PON2: variants seen among roughly 807,000 people sequenced by gnomAD.
PON2 encodes the protein serum paraoxonase/arylesterase 2.
In PON2, 27 loss-of-function variants were observed where a neutral mutation model predicts 36.6. The ratio of observed to expected loss-of-function variants is 0.74; its 90% CI spans 0.54 to 1.02. The LOEUF is 1.02. Among genes scored for constraint, PON2 ranks in the 50% least tolerant of loss-of-function variants. PON2 has a pLI of 0.00. For missense variants in PON2, 363 were observed against 421.1 expected, an observed-to-expected ratio of 0.86 and a Z score of 1.21; for synonymous variants, 149 against 156.3, an observed-to-expected ratio of 0.95 and a Z score of 0.35.
chr7:95,412,713 CAGA>C (rs1788961231), intron 3 of PON2: 2 of 524,694 alleles, frequency 3.8e-6, no homozygotes, highest in African/African-American at 3.8e-5. Flanking sequence ...AGAGAGTAAT[CAGA>C]AGGTTGGTGG....
chr7:95,415,539 A>T (rs1340101624), intron 3 of PON2, among the ~76,000 whole-genome samples: 1 of 152,222 alleles, frequency 6.6e-6, no homozygotes, highest in African/African-American at 2.4e-5. Flanking sequence ...TGGCAAGAAT[A>T]TTTGCTTCAA....
At chr7:95,426,999 G>A (rs186132617) in intron 1 of PON2, among the ~76,000 whole-genome samples, 7 of 152,122 alleles carry the variant, frequency 4.6e-5, no homozygotes, top group Non-Finnish European at 8.8e-5. Context: ...TTAGGTTTGC[G>A]TAAGTAATTG....
At chr7:95,428,978 T>G (rs949277895) in intron 1 of PON2, among the ~76,000 whole-genome samples, 1 of 152,090 alleles carries the variant, frequency 6.6e-6, no homozygotes, top group African/African-American at 2.4e-5. Flanking sequence ...AGTCCAAGGT[T>G]TCAGGTAAAT....
chr7:95,426,773 G>T, intron 1 of PON2, among the ~76,000 whole-genome samples: 1 of 152,176 alleles, frequency 6.6e-6, no homozygotes, highest in East Asian at 1.9e-4. Context: ...TGTAACTGCT[G>T]TTTGTACACC....
rs1789448026 is a variant in PON2, at chr7:95,431,786, T to A, written c.74+3092A>T. Among the ~76,000 whole-genome samples, 3 of 151,990 alleles carry A rather than the reference T, an allele frequency of 2.0e-5. No homozygotes were observed. The South Asian group carries it at 6.2e-4, about 31-fold the overall frequency. The stretch of plus-strand genomic sequence containing the variant: ...TTCTGACAGAAGGCACTCGAACATA[T>A]GATAAAATACAGGGTACCCAGTGAT... On this transcript the variant is annotated intron_variant, in intron 1 of 8. Coordinates refer to ENST00000222572, the MANE Select transcript of PON2 (RefSeq NM_000305.3).
At chr7:95,429,965 G>A (rs1789399810) in intron 1 of PON2, among the ~76,000 whole-genome samples, 1 of 152,112 alleles carries the variant, frequency 6.6e-6, no homozygotes, top group Admixed American at 6.5e-5. Context: ...AGGAGACCTG[G>A]CTGAGGCGAC....
At chr7:95,423,332 A>AG (rs1423072766) in intron 2 of PON2, among the ~76,000 whole-genome samples, 1 of 151,664 alleles carries the variant, frequency 6.6e-6, no homozygotes, top group Non-Finnish European at 1.5e-5. Flanking sequence ...AAAAAAAAAA[A>AG]AAAAAAAAAT....
At chr7:95,408,490 T>G (rs1252633314) in intron 6 of PON2, among the ~76,000 whole-genome samples, 1 of 152,182 alleles carries the variant, frequency 6.6e-6, no homozygotes, top group Non-Finnish European at 1.5e-5. Context: ...TTATTGTTAT[T>G]TTTTTGTTAG....
chr7:95,434,908 G>T lies in PON2; in HGVS notation c.44C>A (p.Ala15Glu). 2 of 1,539,438 alleles carry T rather than the reference G, an allele frequency of 1.3e-6. No homozygotes were observed. Among genetic ancestry groups the T allele is most frequent in the East Asian group, 2.5e-5 (1 of 40,360 alleles). The change falls in exon 1 of 9, where the codon GCG becomes GAG. Residue 15 changes from alanine to glutamate, a missense_variant. Coordinates refer to ENST00000222572, the MANE Select transcript of PON2 (RefSeq NM_000305.3). ...TGCCAGAAGCCTCTCGCCCAGGAGC[G>T]CCAGCGCGATCCCCAGCAAGCCCAC... Reference protein sequence around the residue: ...VAVGLLGIALALLGERLLALR... With the variant: ...VAVGLLGIALELLGERLLALR...
chr7:95,416,058 CAA>C (rs2116475138), intron 3 of PON2, 182 bp downstream of exon 3: 2 of 1,070,708 alleles, frequency 1.9e-6, no homozygotes, highest in South Asian at 3.2e-5. Context: ...TCTCAATGGG[CAA>C]AGAGTCTTCA....
rs764352517 is a variant in PON2, at chr7:95,412,396, G to T, written c.283C>A (p.Pro95Thr). ...ILMMDLKEEK[P>T]RARELRISRG... ...CTGATTCTTAATTCCCGTGCCCTTGGTTTTTCTTCTTTTAGATCCATCATT... is the reference window on the plus strand; with the variant it reads ...CTGATTCTTAATTCCCGTGCCCTTGTTTTTTCTTCTTTTAGATCCATCATT... Residue 95 changes from proline (P) to threonine (T), a missense_variant, in exon 4 of 9, where the codon CCA becomes ACA. Coordinates refer to ENST00000222572, the MANE Select transcript of PON2 (RefSeq NM_000305.3). The T allele has an allele frequency of 6.2e-7, 1 of 1,614,062 alleles. No individual in the cohort carries two copies. The highest frequency in any genetic ancestry group is 8.5e-7 in the Non-Finnish European group (1 of 1,179,994).
chr7:95,430,644 T>G (rs757972928), intron 1 of PON2, among the ~76,000 whole-genome samples: 1 of 151,868 alleles, frequency 6.6e-6, no homozygotes, highest in South Asian at 2.1e-4. Context: ...CCTATAGTCC[T>G]CACTGCTTAG....
At chr7:95,418,589 G>A (rs1339355749) in intron 2 of PON2, among the ~76,000 whole-genome samples, 1 of 152,052 alleles carries the variant, frequency 6.6e-6, no homozygotes, top group Non-Finnish European at 1.5e-5. Flanking sequence ...TGAATATCCT[G>A]CACTTTTCTT....
Position 95,416,267 on chromosome 7 carries a change from G to A in PON2, c.176C>T (p.Pro59Leu), listed in dbSNP as rs1789059839. The A allele has an allele frequency of 6.2e-7, 1 of 1,613,214 alleles. No individual in the cohort carries two copies. The highest frequency in any genetic ancestry group is 1.3e-5 in the African/African-American group (1 of 74,898). Residue 59 changes from proline (P) to leucine (L), a missense_variant, in exon 3 of 9, where the codon CCC (proline) becomes CTC (leucine). Transcript: ENST00000222572. The stretch of plus-strand genomic sequence containing the variant: ...CACACTAAAAAAAGCCAGACCATTG[G>A]GAAGTATGTCAATATCTTCAGAGCC... ...EAGSEDIDIL[P>L]NGLAFFSVGL...
intron 2 of PON2, chr7:95,418,512 C>G (rs1023639888): frequency 6.6e-6 from 1 of 152,174 alleles, no homozygotes; most frequent in Admixed American, 6.5e-5. Flanking sequence ...CAATTGTGGT[C>G]AATTCCATAT....
intron 1 of PON2, among the ~76,000 whole-genome samples, chr7:95,430,256 G>C (rs1189205844): frequency 2.0e-5 from 3 of 151,876 alleles, no homozygotes; most frequent in Admixed American, 2.0e-4. Context: ...CTTATGGCTA[G>C]AAGTTTGAGA....
intron 5 of PON2, among the ~76,000 whole-genome samples, 179 bp downstream of exon 5, chr7:95,411,474 C>G (rs1466190935): frequency 6.6e-6 from 1 of 152,010 alleles, no homozygotes; most frequent in Non-Finnish European, 1.5e-5. Flanking sequence ...CCATGCTTGC[C>G]CTGGTTTATA....
At chr7:95,420,668 A>T (rs900784667) in intron 2 of PON2, among the ~76,000 whole-genome samples, 1 of 152,166 alleles carries the variant, frequency 6.6e-6, no homozygotes, top group African/African-American at 2.4e-5. Context: ...GTGCATATGT[A>T]TGTGTGTGTT....
rs1809645559 is a variant in PON2, at chr7:95,405,196, T to C, written c.*134A>G. On this transcript the variant is annotated 3_prime_UTR_variant, in exon 9 of 9. Transcript: ENST00000222572. ...AGTGCTCTAAGAACTAAAAGGGCCG[T>C]TCCTTACTGGAATAAAATTAACTAC... 1 of 971,802 alleles carries C rather than the reference T, an allele frequency of 1.0e-6. No homozygotes were observed. The highest frequency in any genetic ancestry group is 2.6e-5 in the East Asian group (1 of 37,782). 60.2% of individuals were successfully genotyped at this position (971,802 alleles called of 1,614,324 possible).
Sources: allele counts gnomAD v4.1 joint callset (sites outside exome capture counted in the v4.1 genomes callset), GRCh38; gene constraint gnomAD v4.1.1; transcripts MANE v1.5; gene names NCBI Gene and HGNC (gene_info 2026-07-23, HGNC 2026-07-21).